CDH22: variants seen among roughly 807,000 people sequenced by gnomAD.
CDH22 encodes the protein cadherin-22.
In CDH22, 30 loss-of-function variants were observed where a neutral mutation model predicts 58.4. That is an observed-to-expected ratio of 0.51 (90% CI 0.38 to 0.70). The LOEUF (loss-of-function observed/expected upper bound fraction) is 0.70, where lower values mean the gene tolerates loss of function less well. Ranked by LOEUF, CDH22 falls within the 30% of genes least tolerant of loss-of-function variation. The pLI, the probability that CDH22 is intolerant of heterozygous loss-of-function variation, is 0.00. For synonymous variants in CDH22, 513 were observed against 558.2 expected (o/e 0.92, Z 1.14); for missense variants, 1,014 against 1,233.9 (o/e 0.82, Z 2.67).
chr20:46,233,898 T>C (rs2145719030), intron 3 of CDH22, among the ~76,000 whole-genome samples: 1 of 152,314 alleles, frequency 6.6e-6, no homozygotes, highest in East Asian at 1.9e-4. Context: ...AAAACATCTT[T>C]AGAAGTTGTC....
At chr20:46,234,125 C>G (rs1281478376) in intron 3 of CDH22, among the ~76,000 whole-genome samples, 5 of 152,242 alleles carry the variant, frequency 3.3e-5, no homozygotes, top group Non-Finnish European at 7.3e-5. Flanking sequence ...CCCAGTTTTA[C>G]TTTCCTTCCC....
Position 46,210,693 on chromosome 20 carries a change from G to T in CDH22, c.1033-133C>A. ...TCAGCAGGGGCGGCAGGGATGTTTG[G>T]GCTGCATTGCAGAACTGACCCAGAC... On this transcript the variant is annotated intron_variant, in intron 6 of 11. Transcript: ENST00000537909. The surrounding 1 kb of genome is among the most constrained non-coding windows in gnomAD (Gnocchi z 4.5). 1.2e-6 allele frequency: 1 copy of T among 823,178 alleles called. No homozygotes were observed. Among genetic ancestry groups the T allele is most frequent in the Non-Finnish European group, 1.7e-6 (1 of 582,198 alleles). The allele number at this position is 823,178 out of a possible 1,614,324, so 51.0% of individuals were successfully genotyped here. A position where few individuals can be genotyped will look rare whatever the true frequency, so the allele number is the denominator to read the frequency against.
chr20:46,184,103 CTTT>C (rs34100273), intron 10 of CDH22, among the ~76,000 whole-genome samples: 3 of 146,000 alleles, frequency 2.1e-5, no homozygotes, highest in Non-Finnish European at 3.0e-5. Context: ...TTCTCTCTCT[CTTT>C]TTTTTTTTTT....
At chr20:46,253,406 C>T (rs2086390757) in intron 1 of CDH22, among the ~76,000 whole-genome samples, 1 of 152,082 alleles carries the variant, frequency 6.6e-6, no homozygotes, top group Non-Finnish European at 1.5e-5. Context: ...GTCCACACTC[C>T]ATAGGGAGGG....
At chr20:46,179,118 G>T (rs2085765654) in intron 10 of CDH22, among the ~76,000 whole-genome samples, 1 of 152,220 alleles carries the variant, frequency 6.6e-6, no homozygotes, top group Non-Finnish European at 1.5e-5. Flanking sequence ...TGTTCTGTAG[G>T]AGTCAGGCCA....
At chr20:46,248,004 C>T (rs2086343160) in intron 2 of CDH22, among the ~76,000 whole-genome samples, 1 of 152,148 alleles carries the variant, frequency 6.6e-6, no homozygotes, top group African/African-American at 2.4e-5. Context: ...TGCTTGGCTC[C>T]TGGCAGCTGC....
chr20:46,227,744 C>A (rs1329858701), intron 3 of CDH22, 117 bp from the exon 4 acceptor site: 2 of 1,409,234 alleles, frequency 1.4e-6, no homozygotes, highest in Admixed American at 4.3e-5. Flanking sequence ...CTGCGGGAGG[C>A]CATCGAATAC....
chr20:46,257,453 G>A (rs1568676032), intron 1 of CDH22, among the ~76,000 whole-genome samples: 1 of 152,196 alleles, frequency 6.6e-6, no homozygotes, highest in Non-Finnish European at 1.5e-5. Context: ...AAGTGAGGCT[G>A]GGCCACAGAA....
intron 7 of CDH22, among the ~76,000 whole-genome samples, chr20:46,203,759 G>C (rs1232207250): frequency 6.6e-6 from 1 of 152,202 alleles, no homozygotes; most frequent in Non-Finnish European, 1.5e-5. Flanking sequence ...TTGCATGCCT[G>C]GGGGCGGGGA....
At chr20:46,197,502 C>T (rs998877303) in intron 8 of CDH22, among the ~76,000 whole-genome samples, 2 of 152,054 alleles carry the variant, frequency 1.3e-5, no homozygotes, top group South Asian at 2.1e-4. Flanking sequence ...GACACTGGGC[C>T]GGTGATAGGC....
At chr20:46,212,913 G>C (rs530281926) in intron 6 of CDH22, 82 bp downstream of exon 6, 1 of 1,112,288 alleles carries the variant, frequency 9.0e-7, no homozygotes, top group Non-Finnish European at 1.3e-6. Context: ...GAGTGAGGTG[G>C]GGGTATTCGG....
At chr20:46,209,256 A>C (rs2086021793) in intron 7 of CDH22, among the ~76,000 whole-genome samples, 1 of 152,170 alleles carries the variant, frequency 6.6e-6, no homozygotes, top group Non-Finnish European at 1.5e-5. Context: ...TATTAGGGCG[A>C]GAACGTTCTA....
chr20:46,233,376 C>G (rs982454140), intron 3 of CDH22, among the ~76,000 whole-genome samples: 2 of 152,232 alleles, frequency 1.3e-5, no homozygotes, highest in Non-Finnish European at 2.9e-5. Context: ...AATAGACCCA[C>G]AAGCGCTTCT....
At chr20:46,218,989 C>T (rs1325587414) in intron 4 of CDH22, among the ~76,000 whole-genome samples, 1 of 152,164 alleles carries the variant, frequency 6.6e-6, no homozygotes, top group African/African-American at 2.4e-5. Context: ...AGCTCTGACA[C>T]CTGATGTCCC....
chr20:46,250,388 G>A (rs146982349), intron 2 of CDH22, among the ~76,000 whole-genome samples: 2 of 152,222 alleles, frequency 1.3e-5, no homozygotes, highest in African/African-American at 2.4e-5. Flanking sequence ...GGGACCTCAC[G>A]GGGGATGTGA....
At position 46,308,087 on chromosome 20, in the gene CDH22, G is replaced by C. The variant is rs2059031996; in HGVS notation, c.-400+168C>G. 1.3e-5 allele frequency among the ~76,000 whole-genome samples: 2 copies of C among 151,420 alleles called. No homozygotes were observed. The highest frequency in any genetic ancestry group is 3.0e-5 in the Non-Finnish European group (2 of 67,782). On this transcript the variant is annotated intron_variant, in intron 1 of 11. Coordinates refer to ENST00000537909, the MANE Select transcript of CDH22 (RefSeq NM_021248.3). The surrounding 1 kb of genome is among the most constrained non-coding windows in gnomAD (Gnocchi z 4.3). ...CCCCGCCCTCCCGGCCGAGAGGAGG[G>C]GGCGCGCAGGGCCGGGCGCAGGCAC...
rs1243952156 is a variant in CDH22, at chr20:46,251,263, C to G, written c.32G>C (p.Arg11Pro). Reference protein sequence around the residue: MRPRPEGRGLRAGVALSPALL... With the variant: MRPRPEGRGLPAGVALSPALL... ...CGCGGGGGACAGCGCGACTCCCGCC[C>G]GGAGCCCCCTACCTTCGGGCCTCGG... The change falls in exon 2 of 12, where the codon CGG (arginine) becomes CCG (proline). Residue 11 changes from arginine (R) to proline (P), a missense_variant. Arg to Pro is a moderately radical substitution (Grantham distance 103). Transcript: ENST00000537909. This position sits in a 1 kb window ranked among gnomAD's most constrained non-coding sequence, Gnocchi z 6.7. 3.4e-6 allele frequency: 5 copies of G among 1,464,232 alleles called. No homozygotes were observed. Among genetic ancestry groups the G allele is most frequent in the Non-Finnish European group, 2.7e-6 (3 of 1,113,578 alleles). 90.7% of individuals were successfully genotyped at this position (1,464,232 alleles called of 1,614,324 possible). A position where few individuals can be genotyped will look rare whatever the true frequency, so the allele number is the denominator to read the frequency against.
intron 2 of CDH22, among the ~76,000 whole-genome samples, chr20:46,247,783 A>G (rs2086341676): frequency 6.6e-6 from 1 of 152,182 alleles, no homozygotes; most frequent in Admixed American, 6.5e-5. Context: ...CTCTTAAGAA[A>G]GTGTACATTG....
intron 1 of CDH22, among the ~76,000 whole-genome samples, chr20:46,297,377 G>C (rs1178538612): frequency 6.6e-6 from 1 of 152,038 alleles, no homozygotes; most frequent in Non-Finnish European, 1.5e-5. Context: ...AGTAACAGGA[G>C]GTGCTCAGGG....
Sources: gnomAD v4.1 joint callset for allele counts (sites outside exome capture counted in the v4.1 genomes callset) on GRCh38, gnomAD v4.1.1 for gene constraint, Gnocchi (gnomAD v3.1) non-coding constraint, MANE v1.5 for transcripts, NCBI Gene and HGNC (gene_info 2026-07-23, HGNC 2026-07-21) for gene names.